Variants in APLF observed in about 807,000 individuals in gnomAD.
APLF encodes the protein aprataxin and PNK-like factor.
Under a neutral mutation model 55.6 loss-of-function variants are expected in APLF, and 61 were observed. The ratio of observed to expected loss-of-function variants is 1.10; its 90% CI spans 0.89 to 1.36. The LOEUF is 1.36. Among genes scored for constraint, APLF ranks in the 40% most tolerant of loss-of-function variants. The pLI, the probability that APLF is intolerant of heterozygous loss-of-function variation, is 0.00. For synonymous variants in APLF, 207 were observed against 214.8 expected, an observed-to-expected ratio of 0.96 and a Z score of 0.32; for missense variants, 611 against 602.5, an observed-to-expected ratio of 1.01 and a Z score of -0.15.
At chr2:68,556,216 G>A (rs1671004470) in intron 8 of APLF, among the ~76,000 whole-genome samples, 1 of 152,172 alleles carries the variant, frequency 6.6e-6, no homozygotes, top group African/African-American at 2.4e-5. Context: ...AGTGGGAAGG[G>A]TGTGAGGGAT....
At chr2:68,489,126 C>T (rs949818557) in intron 1 of APLF, among the ~76,000 whole-genome samples, 5 of 152,198 alleles carry the variant, frequency 3.3e-5, no homozygotes, top group Non-Finnish European at 7.3e-5. Flanking sequence ...ATGTGATACT[C>T]ATTCCGATGC....
At chr2:68,516,665 C>T (rs570347143) in intron 5 of APLF, among the ~76,000 whole-genome samples, 17 of 150,248 alleles carry the variant, frequency 1.1e-4, no homozygotes, top group Admixed American at 5.4e-4. Flanking sequence ...TTAGCTCCCA[C>T]TTATAAATGA....
At chr2:68,558,237 G>C (rs778955030) in intron 8 of APLF, among the ~76,000 whole-genome samples, 1 of 151,794 alleles carries the variant, frequency 6.6e-6, no homozygotes, top group African/African-American at 2.4e-5. Context: ...TAATAAATTT[G>C]TTCTTCTTTG....
intron 9 of APLF, among the ~76,000 whole-genome samples, chr2:68,567,785 A>G (rs1671347682): frequency 6.6e-6 from 1 of 151,958 alleles, no homozygotes; most frequent in Non-Finnish European, 1.5e-5. Flanking sequence ...TTTTTCCTTC[A>G]TTCTGTCTTT....
rs945531098 is a variant in APLF, at chr2:68,578,232, C to G, written c.*210C>G. ...TTGTTGCCTTGCCTTTTCTTTCCTA[C>G]TTAAAGCATCTGGAAATAGGAAGAC... On this transcript the variant is annotated 3_prime_UTR_variant, in exon 10 of 10. Transcript: ENST00000303795. The G allele has an allele frequency of 1.5e-6, 2 of 1,298,148 alleles. No individual in the cohort carries two copies. The highest frequency in any genetic ancestry group is 2.0e-6 in the Non-Finnish European group (2 of 1,021,054). 80.4% of individuals were successfully genotyped at this position (1,298,148 alleles called of 1,614,324 possible).
At chr2:68,517,350 A>G (rs1477610870) in intron 5 of APLF, among the ~76,000 whole-genome samples, 11 of 124,218 alleles carry the variant, frequency 8.9e-5, no homozygotes, top group South Asian at 2.5e-4. Context: ...ATATTAATAT[A>G]TCATTACTAT....
At chr2:68,557,359 C>A (rs1671045219) in intron 8 of APLF, among the ~76,000 whole-genome samples, 2 of 152,182 alleles carry the variant, frequency 1.3e-5, no homozygotes, top group Admixed American at 1.3e-4. Flanking sequence ...ACTACATTTT[C>A]AGTCTGCAGT....
chr2:68,496,710 T>C (rs775952614), intron 2 of APLF, among the ~76,000 whole-genome samples: 2 of 152,204 alleles, frequency 1.3e-5, no homozygotes, highest in Non-Finnish European at 2.9e-5. Flanking sequence ...CATAGATCCC[T>C]AGGGTGTGAA....
intron 8 of APLF, among the ~76,000 whole-genome samples, chr2:68,559,387 T>C (rs536076695): frequency 6.6e-6 from 1 of 152,296 alleles, no homozygotes; most frequent in East Asian, 1.9e-4. Flanking sequence ...TCTTATTTCT[T>C]AGGCGAGCTA....
intron 5 of APLF, among the ~76,000 whole-genome samples, chr2:68,523,761 TA>T (rs1179507429): frequency 3.9e-5 from 6 of 151,974 alleles, no homozygotes; most frequent in Non-Finnish European, 1.5e-5. Flanking sequence ...TAACTTTAAA[TA>T]AAAATGGTCA....
At chr2:68,504,100 A>G (rs2103935854) in intron 3 of APLF, among the ~76,000 whole-genome samples, 1 of 152,112 alleles carries the variant, frequency 6.6e-6, no homozygotes, top group South Asian at 2.1e-4. Context: ...ATGAATGGGT[A>G]CATTTCTTAA....
chr2:68,504,620 T>C (rs1271282755), intron 3 of APLF, among the ~76,000 whole-genome samples: 1 of 148,242 alleles, frequency 6.7e-6, no homozygotes, highest in Non-Finnish European at 1.5e-5. Flanking sequence ...AAGGAAACTT[T>C]TTTCCTACAA....
chr2:68,522,507 G>A (rs528222396), intron 5 of APLF, among the ~76,000 whole-genome samples: 3 of 151,754 alleles, frequency 2.0e-5, no homozygotes, highest in Non-Finnish European at 4.4e-5. Flanking sequence ...TGCCTTCTAT[G>A]TGAGATTTTA....
chr2:68,513,770 TATAGAG>T (rs139367623), intron 5 of APLF, 90 bp downstream of exon 5: 89,352 of 1,439,352 alleles, frequency 0.062, 7,326 homozygotes, highest in African/African-American at 0.4. Flanking sequence ...AAACTAGTTC[TATAGAG>T]ATAGAGTAGA....
chr2:68,575,914 G>A (rs1671608217), intron 9 of APLF, among the ~76,000 whole-genome samples: 1 of 152,036 alleles, frequency 6.6e-6, no homozygotes, highest in Non-Finnish European at 1.5e-5. Context: ...TGTGAATTTG[G>A]GAATTTAGGA....
intron 7 of APLF, among the ~76,000 whole-genome samples, chr2:68,544,727 T>G (rs1051918623): frequency 6.6e-6 from 1 of 152,134 alleles, no homozygotes; most frequent in African/African-American, 2.4e-5. Flanking sequence ...TAGTTACCTT[T>G]GCGTAGTAAA....
intron 5 of APLF, among the ~76,000 whole-genome samples, chr2:68,517,444 TTA>T (rs1455730487): frequency 7.3e-6 from 1 of 137,918 alleles, no homozygotes; most frequent in African/African-American, 2.6e-5. Flanking sequence ...TCTATATATG[TTA>T]TTACTATATA....
chr2:68,561,999 T>A (rs1671179456), intron 8 of APLF, among the ~76,000 whole-genome samples: 1 of 152,014 alleles, frequency 6.6e-6, no homozygotes, highest in South Asian at 2.1e-4. Flanking sequence ...TAAGTGTCCA[T>A]CAGTGGATGA....
Position 68,560,795 on chromosome 2 carries a change from C to A in APLF, c.1287-6546C>A, listed in dbSNP as rs145448257. On this transcript the variant is annotated intron_variant, in intron 8 of 9. Transcript: ENST00000303795. ...GAATGAGCTCTGATTAAGTAATCCT[C>A]TTCATTGTTAGGAAAAAGATCTGGT... 5.5e-3 allele frequency among the ~76,000 whole-genome samples: 836 copies of A among 152,184 alleles called. 4 individuals are homozygous for A. The highest frequency in any genetic ancestry group is 0.019 in the African/African-American group (799 of 41,534).
Sources: allele counts gnomAD v4.1 joint callset (sites outside exome capture counted in the v4.1 genomes callset), GRCh38; gene constraint gnomAD v4.1.1; transcripts MANE v1.5; gene names NCBI Gene and HGNC (gene_info 2026-07-23, HGNC 2026-07-21).